Variants in EPS8 observed in about 807,000 individuals in gnomAD.
EPS8 encodes epidermal growth factor receptor kinase substrate 8.
Under a neutral mutation model 103.8 loss-of-function variants are expected in EPS8, and 42 were observed. The ratio of observed to expected loss-of-function variants is 0.40; its 90% confidence interval spans 0.32 to 0.52. EPS8 has a LOEUF of 0.52. Ranked by LOEUF, EPS8 falls within the 20% of genes least tolerant of loss-of-function variation. The pLI is 0.40. For synonymous variants in EPS8, 344 were observed against 344.6 expected (o/e 1.00, Z 0.02); for missense variants, 969 against 1,005.1 (o/e 0.96, Z 0.49).
chr12:15,678,114 T>G (rs562847935), intron 3 of EPS8, among the ~76,000 whole-genome samples: 1 of 152,304 alleles, frequency 6.6e-6, no homozygotes, highest in East Asian at 1.9e-4. Flanking sequence ...TGATAACAGA[T>G]GCTATACATA....
intron 1 of EPS8, among the ~76,000 whole-genome samples, chr12:15,786,811 A>T (rs753813562): frequency 3.3e-5 from 5 of 152,134 alleles, no homozygotes; most frequent in Non-Finnish European, 5.9e-5. Flanking sequence ...TTACAAAAAT[A>T]TTTTCAATCA....
Position 15,777,059 on chromosome 12 carries a change from A to G in EPS8, c.-22+12102T>C, listed in dbSNP as rs549138866. On this transcript the variant is annotated intron_variant, in intron 1 of 20. Coordinates refer to ENST00000281172, the MANE Select transcript of EPS8 (RefSeq NM_004447.6). This position sits in a 1 kb window ranked among gnomAD's most constrained non-coding sequence, Gnocchi z 4.7. ...CTATTCTACTAACTGCCTGGCAGAG[A>G]GAAAAGATGAAAATAGCTAGAGATA... Among the ~76,000 whole-genome samples, 2 of 152,344 alleles carry G rather than the reference A, an allele frequency of 1.3e-5. No homozygotes were observed. Among genetic ancestry groups the G allele is most frequent in the Non-Finnish European group, 2.9e-5 (2 of 68,020 alleles).
intron 3 of EPS8, among the ~76,000 whole-genome samples, chr12:15,677,703 C>T (rs1357633781): frequency 1.3e-5 from 2 of 152,120 alleles, no homozygotes; most frequent in Non-Finnish European, 2.9e-5. Context: ...AGAAGAGACA[C>T]TGCCAGCACA....
In EPS8 at chr12:15,767,292, A is replaced by G. The variant is rs918271918; in HGVS notation, c.-22+21869T>C. Among the ~76,000 whole-genome samples, 4 of 152,224 alleles carry G rather than the reference A, an allele frequency of 2.6e-5. No homozygotes were observed. The highest frequency in any genetic ancestry group is 7.2e-5 in the African/African-American group (3 of 41,458). On this transcript the variant is annotated intron_variant, in intron 1 of 20. Transcript: ENST00000281172. The surrounding 1 kb of genome is among the most constrained non-coding windows in gnomAD (Gnocchi z 5.5). Reference sequence around the variant, plus strand: ...CAGAGTTCATCCCTACCATTTTCACAAATTATTTCTACAGAAGCAGACTAG... The same window carrying G: ...CAGAGTTCATCCCTACCATTTTCACGAATTATTTCTACAGAAGCAGACTAG...
chr12:15,624,433 T>C, intron 18 of EPS8, 26 bp from the exon 19 acceptor site: 1 of 1,511,448 alleles, frequency 6.6e-7, no homozygotes, highest in Non-Finnish European at 8.9e-7. Flanking sequence ...GAGTAGGTTC[T>C]TTTTGAAAAT....
intron 1 of EPS8, among the ~76,000 whole-genome samples, chr12:15,722,184 G>C (rs1279776482): frequency 2.0e-5 from 3 of 147,308 alleles, no homozygotes; most frequent in Non-Finnish European, 4.4e-5. Flanking sequence ...ACTAACGATA[G>C]CTGATGAGGT....
chr12:15,692,597 G>A (rs1480338539), intron 1 of EPS8, among the ~76,000 whole-genome samples: 5 of 151,886 alleles, frequency 3.3e-5, no homozygotes, highest in African/African-American at 7.2e-5. Context: ...CCTAAAGTCC[G>A]GGAAATTTTC....
rs1947031794 is a variant in EPS8 at position 15,760,640 on chromosome 12, T to C, written c.-22+28521A>G. Among the ~76,000 whole-genome samples, 1 of 152,106 alleles carries C rather than the reference T, an allele frequency of 6.6e-6. No homozygotes were observed. Among genetic ancestry groups the C allele is most frequent in the Non-Finnish European group, 1.5e-5 (1 of 67,964 alleles). On this transcript the variant is annotated intron_variant, in intron 1 of 20. Coordinates refer to ENST00000281172, the MANE Select transcript of EPS8 (RefSeq NM_004447.6). This position sits in a 1 kb window ranked among gnomAD's most constrained non-coding sequence, Gnocchi z 4.5. ...TAAATCCCACCAATACAAGAATGGT[T>C]CAACATAAACAAATCCATCAATGTG...
intron 1 of EPS8, among the ~76,000 whole-genome samples, chr12:15,723,325 A>G (rs1392924379): frequency 2.0e-5 from 3 of 152,120 alleles, no homozygotes; most frequent in South Asian, 4.2e-4. Context: ...AAATATATAT[A>G]TATCTTTTTC....
In EPS8 at chr12:15,777,740, G is replaced by A. The variant is rs1341883469; in HGVS notation, c.-22+11421C>T. On this transcript the variant is annotated intron_variant, in intron 1 of 20. Coordinates refer to ENST00000281172, the MANE Select transcript of EPS8 (RefSeq NM_004447.6). This position sits in a 1 kb window ranked among gnomAD's most constrained non-coding sequence, Gnocchi z 4.7. ...AGGATTGAAAAAGGGTGTCAGAAAC[G>A]AGCAAAAGGAGGGGGAACAGCTGGG... Among the ~76,000 whole-genome samples, 1 of 152,170 alleles carries A rather than the reference G, an allele frequency of 6.6e-6. No individual in the cohort carries two copies. Among genetic ancestry groups the A allele is most frequent in the Non-Finnish European group, 1.5e-5 (1 of 68,044 alleles).
intron 20 of EPS8, 69 bp from the exon 21 acceptor site, chr12:15,621,499 G>T (rs1045845399): frequency 1.2e-6 from 1 of 813,564 alleles, no homozygotes; most frequent in Non-Finnish European, 1.9e-6. Context: ...TCATGAAATG[G>T]CTCAGGATAA....
chr12:15,682,885 C>T lies in EPS8; in HGVS notation c.59+8G>A, dbSNP rs751941446. ...CAAAACATATTAAATATAAACTTTT[C>T]AACTTACTTCATCTGAGATGGGTAC... On this transcript the variant is annotated splice_region_variant and intron_variant, in intron 2 of 20. Coordinates refer to ENST00000281172, the MANE Select transcript of EPS8 (RefSeq NM_004447.6). 2.1e-6 allele frequency: 3 copies of T among 1,420,876 alleles called. No individual in the cohort carries two copies. Among genetic ancestry groups the T allele is most frequent in the East Asian group, 4.6e-5 (2 of 43,176 alleles). 88.0% of individuals were successfully genotyped at this position (1,420,876 alleles called of 1,614,324 possible).
intron 4 of EPS8, 44 bp from the exon 5 acceptor site, chr12:15,669,869 C>T (rs1217628173): frequency 6.9e-7 from 1 of 1,440,974 alleles, no homozygotes; most frequent in Admixed American, 2.2e-5. Flanking sequence ...CACATACAAA[C>T]ACATACAACC....
In EPS8 at chr12:15,771,074, C is replaced by A; in HGVS notation, c.-22+18087G>T. On this transcript the variant is annotated intron_variant, in intron 1 of 20. Transcript: ENST00000281172. The surrounding 1 kb of genome is among the most constrained non-coding windows in gnomAD (Gnocchi z 4.6). ...GAAAGAAAATAAGTGCCTAGGCGAT[C>A]CTGAGAAAAAAAATATTAAGTGGGA... 6.6e-6 allele frequency among the ~76,000 whole-genome samples: 1 copy of A among 151,502 alleles called. No individual in the cohort carries two copies. Among genetic ancestry groups the A allele is most frequent in the South Asian group, 2.1e-4 (1 of 4,788 alleles).
rs1947019656 is a variant in EPS8, at chr12:15,759,440, T to C, written c.-22+29721A>G. 6.6e-6 allele frequency among the ~76,000 whole-genome samples: 1 copy of C among 152,140 alleles called. No homozygotes were observed. The highest frequency in any genetic ancestry group is 6.5e-5 in the Admixed American group (1 of 15,272). On this transcript the variant is annotated intron_variant, in intron 1 of 20. Transcript: ENST00000281172. The surrounding 1 kb of genome is among the most constrained non-coding windows in gnomAD (Gnocchi z 4.9). ...AATATTTATCCATTAAGAAAGATAC[T>C]AGCACTGACAAATTAAACCTTTATA...
In EPS8 at chr12:15,752,615, GA is replaced by G. The variant is rs965173482; in HGVS notation, c.-22+36545del. Among the ~76,000 whole-genome samples the G allele has an allele frequency of 9.9e-5, 15 of 151,710 alleles. 1 individual carries two copies. Among genetic ancestry groups the G allele is most frequent in the Non-Finnish European group, 1.5e-4 (10 of 67,920 alleles). On this transcript the variant is annotated intron_variant, in intron 1 of 20. Transcript: ENST00000281172. This position sits in a 1 kb window ranked among gnomAD's most constrained non-coding sequence, Gnocchi z 4.4. ...TATATTGAGCCCCCAAATTATCTGA[GA>G]AAAAAAAGTCTTTATAATTGTAATA...
chr12:15,667,293 T>C (rs77545812), intron 6 of EPS8, among the ~76,000 whole-genome samples: 1,962 of 152,248 alleles, frequency 0.013, 43 homozygotes, highest in African/African-American at 0.045. Context: ...CATAAAACTT[T>C]AGAAATGATG....
intron 8 of EPS8, chr12:15,665,424 C>T (rs913620618): frequency 7.1e-5 from 17 of 238,750 alleles, no homozygotes; most frequent in Non-Finnish European, 1.0e-4. Flanking sequence ...CTCCGCCTCC[C>T]GGTTCAAGTG....
Position 15,693,095 on chromosome 12 carries a change from T to TG in EPS8, c.-21-10124dup, listed in dbSNP as rs1555117579. Among the ~76,000 whole-genome samples, 1 of 152,126 alleles carries TG rather than the reference T, an allele frequency of 6.6e-6. No homozygotes were observed. Among genetic ancestry groups the TG allele is most frequent in the Non-Finnish European group, 1.5e-5 (1 of 68,004 alleles). ...AAGGTGGCAAGAAAGTCAGTGTCCA[T>TG]GGGTGGGGCTTGTGAACAAGTGGGC... On this transcript the variant is annotated intron_variant, in intron 1 of 20. Transcript: ENST00000281172. This position sits in a 1 kb window ranked among gnomAD's most constrained non-coding sequence, Gnocchi z 5.6.
Sources: gnomAD v4.1 joint callset for allele counts (sites outside exome capture counted in the v4.1 genomes callset) on GRCh38, gnomAD v4.1.1 for gene constraint, Gnocchi (gnomAD v3.1) non-coding constraint, MANE v1.5 for transcripts, NCBI Gene and HGNC (gene_info 2026-07-23, HGNC 2026-07-21) for gene names.